The following HMCN2 variants were observed in gnomAD, a reference collection of about 807,000 sequenced individuals.
HMCN2 encodes hemicentin 2.
In HMCN2, 325 loss-of-function variants were observed where a neutral mutation model predicts 377.5. That is an observed-to-expected ratio of 0.86 (90% confidence interval 0.79 to 0.94). The LOEUF is 0.94. Among genes scored for constraint, HMCN2 ranks in the 40% least tolerant of loss-of-function variants. The pLI is 0.00. For synonymous variants in HMCN2, 2,007 were observed against 2,046.8 expected (o/e 0.98, Z 0.53); for missense variants, 4,543 against 4,725.3 (o/e 0.96, Z 1.13).
chr9:130,343,680 C>T lies in HMCN2; in HGVS notation c.3829+1244C>T, dbSNP rs893590827. Among the ~76,000 whole-genome samples the T allele has an allele frequency of 2.6e-3, 393 of 152,366 alleles. 3 individuals are homozygous for T. Among genetic ancestry groups the T allele is most frequent in the African/African-American group, 8.8e-3 (365 of 41,584 alleles). Reference sequence around the variant, plus strand: ...CCAGCCCCTGACTGCCACACACAGCCCTGGTCAGTCAGGGACCAGTCCTGA... The same window carrying T: ...CCAGCCCCTGACTGCCACACACAGCTCTGGTCAGTCAGGGACCAGTCCTGA... On this transcript the variant is annotated intron_variant, in intron 25 of 97. Transcript: ENST00000683500.
chr9:130,404,823 C>T (rs377165084), intron 80 of HMCN2, 46 bp from the exon 81 acceptor site: 11 of 1,175,606 alleles, frequency 9.4e-6, no homozygotes, highest in East Asian at 1.4e-4. Context: ...TGGTGTCAGC[C>T]GCCTCCCTGA....
chr9:130,424,920 A>AG lies in HMCN2; in HGVS notation c.13519+10dup. The AG allele has an allele frequency of 2.1e-6, 3 of 1,462,204 alleles. No individual in the cohort carries two copies. The highest frequency in any genetic ancestry group is 2.7e-6 in the Non-Finnish European group (3 of 1,100,996). 90.6% of individuals were successfully genotyped at this position (1,462,204 alleles called of 1,614,324 possible). On this transcript the variant is annotated splice_region_variant and intron_variant, in intron 88 of 97. Transcript: ENST00000683500. ...CACGTGGAGTTTGCTACAGGTAAAC[A>AG]GGGCCTCCCCCAGGTGGGCCAGGTA... is the stretch of plus-strand genomic sequence containing the variant.
Position 130,302,843 on chromosome 9 carries a change from GT to G in HMCN2, c.1277-13del. 4.4e-6 allele frequency: 2 copies of G among 456,524 alleles called. No individual in the cohort carries two copies. Among genetic ancestry groups the G allele is most frequent in the Non-Finnish European group, 9.1e-6 (2 of 218,958 alleles). 28.3% of individuals were successfully genotyped at this position (456,524 alleles called of 1,614,324 possible). A position where few individuals can be genotyped will look rare whatever the true frequency, so the allele number is the denominator to read the frequency against. On this transcript the variant is annotated splice_polypyrimidine_tract_variant and intron_variant, in intron 8 of 97. Coordinates refer to ENST00000683500, the MANE Select transcript of HMCN2 (RefSeq NM_001291815.2). ...CGGTGGGGAGACATTCTGAGTCCTGGTCCCCGCCTACAGGCGCTCCCCTCGT... is the reference window on the plus strand; with the variant it reads ...CGGTGGGGAGACATTCTGAGTCCTGGCCCCGCCTACAGGCGCTCCCCTCGT...
At chr9:130,340,090 C>T (rs1439053236) in intron 23 of HMCN2, among the ~76,000 whole-genome samples, 2 of 152,264 alleles carry the variant, frequency 1.3e-5, no homozygotes, top group African/African-American at 2.4e-5. Context: ...CTCAGTTTCC[C>T]CCTCTGCAAA....
At chr9:130,332,254 T>C (rs1007973532) in intron 22 of HMCN2, among the ~76,000 whole-genome samples, 131 of 152,274 alleles carry the variant, frequency 8.6e-4, no homozygotes, top group African/African-American at 3.0e-3. Context: ...CATTTAAGTT[T>C]CCTCGCCTTC....
chr9:130,390,259 C>T (rs1325125395), intron 62 of HMCN2, among the ~76,000 whole-genome samples: 1 of 152,124 alleles, frequency 6.6e-6, no homozygotes, highest in East Asian at 1.9e-4. Context: ...CCCACCCTTC[C>T]TGTCCCCCAA....
chr9:130,378,997 C>T (rs1841553801), intron 53 of HMCN2, among the ~76,000 whole-genome samples: 1 of 152,122 alleles, frequency 6.6e-6, no homozygotes, highest in Non-Finnish European at 1.5e-5. Flanking sequence ...TTCCATGTTA[C>T]AGGGAGTCTT....
chr9:130,310,298 A>C (rs1554938643), intron 15 of HMCN2, among the ~76,000 whole-genome samples: 1 of 152,254 alleles, frequency 6.6e-6, no homozygotes, highest in Non-Finnish European at 1.5e-5. Flanking sequence ...TTTATTTCAC[A>C]GTCTGAGGAT....
chr9:130,366,699 C>T (rs1840706022), intron 43 of HMCN2, among the ~76,000 whole-genome samples: 2 of 151,906 alleles, frequency 1.3e-5, no homozygotes, highest in Non-Finnish European at 2.9e-5. Flanking sequence ...GGTGATCTGC[C>T]ACCTCAGCCT....
At chr9:130,288,842 T>A (rs1588177662) in intron 4 of HMCN2, among the ~76,000 whole-genome samples, 1 of 152,160 alleles carries the variant, frequency 6.6e-6, no homozygotes, top group Non-Finnish European at 1.5e-5. Context: ...TAAAGGAAGG[T>A]GAGGATCTCT....
chr9:130,425,202 C>G (rs1023188094), intron 89 of HMCN2, 72 bp downstream of exon 89: 15 of 1,445,792 alleles, frequency 1.0e-5, no homozygotes, highest in Non-Finnish European at 1.3e-5. Flanking sequence ...TCTCAACCAC[C>G]CCTGAGCAGC....
At chr9:130,279,643 G>A (rs10988674) in intron 1 of HMCN2, among the ~76,000 whole-genome samples, 21,865 of 152,136 alleles carry the variant, frequency 0.14, 1,978 homozygotes, top group South Asian at 0.2. Context: ...GTGAGCCACC[G>A]TGCCCGGCCC....
At chr9:130,364,983 C>G (rs1237163665) in intron 41 of HMCN2, 94 bp downstream of exon 41, 2 of 758,668 alleles carry the variant, frequency 2.6e-6, no homozygotes, top group South Asian at 5.9e-5. Flanking sequence ...CCTGCAAGCC[C>G]CTTTCCCCTC....
Position 130,407,789 on chromosome 9 carries a change from C to T in HMCN2, c.12688+84C>T. The T allele has an allele frequency of 4.8e-6, 5 of 1,036,610 alleles. No homozygotes were observed. In the South Asian group the frequency reaches 9.3e-5, roughly 19 times the overall value. The allele number at this position is 1,036,610 out of a possible 1,614,324, so 64.2% of individuals were successfully genotyped here. A position where few individuals can be genotyped will look rare whatever the true frequency, so the allele number is the denominator to read the frequency against. On this transcript the variant is annotated intron_variant, in intron 83 of 97. Coordinates refer to ENST00000683500, the MANE Select transcript of HMCN2 (RefSeq NM_001291815.2). The stretch of plus-strand genomic sequence containing the variant: ...TCTATTGGTTTCCTAAGAACCCAGC[C>T]TCCTGTCCTCTGAACTAGTGGTTCC...
rs1840808825 is a variant in HMCN2, at chr9:130,368,322, T to C, written c.6672T>C (p.Ala2224=). Residue 2224 remains alanine (A), a synonymous_variant, in exon 44 of 98, where the codon GCT becomes GCC. Transcript: ENST00000683500. ...GEGAGLQHVS[A]VGRLLYLGQA... The stretch of plus-strand genomic sequence containing the variant: ...GGGCTGGCCTCCAGCACGTGTCGGC[T>C]GTGGGGAGGCTGTTGTACCTGGGAC... 4 of 985,562 alleles carry C rather than the reference T, an allele frequency of 4.1e-6. No individual in the cohort carries two copies. The highest frequency in any genetic ancestry group is 4.8e-6 in the Non-Finnish European group (4 of 829,882). The allele number at this position is 985,562 out of a possible 1,614,324, so 61.1% of individuals were successfully genotyped here.
At chr9:130,319,788 G>C (rs1199406028) in intron 16 of HMCN2, 93 bp downstream of exon 16, 1 of 152,128 alleles carries the variant, frequency 6.6e-6, no homozygotes, top group Non-Finnish European at 1.5e-5. Flanking sequence ...GCAGGACCCT[G>C]ACCGCCAGCA....
chr9:130,326,736 A>G (rs1402669885), intron 21 of HMCN2, among the ~76,000 whole-genome samples: 1 of 152,044 alleles, frequency 6.6e-6, no homozygotes, highest in Non-Finnish European at 1.5e-5. Flanking sequence ...CCTTGTATGA[A>G]CTCCAAGGTA....
chr9:130,289,347 G>T (rs1307386036), intron 4 of HMCN2, among the ~76,000 whole-genome samples: 13 of 152,252 alleles, frequency 8.5e-5, no homozygotes, highest in Admixed American at 7.2e-4. Flanking sequence ...AGATGGGGGG[G>T]TGAGGGGGAG....
At chr9:130,409,171 T>C (rs1843276154) in intron 84 of HMCN2, among the ~76,000 whole-genome samples, 1 of 152,228 alleles carries the variant, frequency 6.6e-6, no homozygotes, top group Non-Finnish European at 1.5e-5. Context: ...CCTCATAGGA[T>C]TGTAATTAGA....
Sources: gnomAD v4.1 joint callset for allele counts (sites outside exome capture counted in the v4.1 genomes callset) on GRCh38, gnomAD v4.1.1 for gene constraint, MANE v1.5 for transcripts, NCBI Gene and HGNC (gene_info 2026-07-23, HGNC 2026-07-21) for gene names.